The following RPH3A variants were observed in gnomAD, a reference collection of about 807,000 sequenced individuals.
The protein encoded by RPH3A is rabphilin 3A.
Under a neutral mutation model 102.2 loss-of-function variants are expected in RPH3A, and 48 were observed. The observed-to-expected ratio is 0.47, with a 90% CI of 0.37 to 0.60. The LOEUF is 0.60. RPH3A is among the 20% of genes least tolerant of loss of function. The pLI is 0.00. For synonymous variants in RPH3A, 310 were observed against 324.3 expected, an observed-to-expected ratio of 0.96 and a Z score of 0.47; for missense variants, 781 against 910.1, an observed-to-expected ratio of 0.86 and a Z score of 1.83.
chr12:112,685,359 C>T (rs2040256132), intron 1 of RPH3A, among the ~76,000 whole-genome samples: 3 of 152,140 alleles, frequency 2.0e-5, no homozygotes, highest in African/African-American at 7.2e-5. Flanking sequence ...TTTGGGGAGA[C>T]ACCTATATTC....
intron 16 of RPH3A, among the ~76,000 whole-genome samples, chr12:112,883,791 C>T (rs947288672): frequency 1.3e-5 from 2 of 152,154 alleles, no homozygotes; most frequent in Non-Finnish European, 2.9e-5. Flanking sequence ...TCACATTCTT[C>T]TACAGTGTTG....
At chr12:112,873,766 G>A (rs1025419932) in intron 10 of RPH3A, 4 of 152,230 alleles carry the variant, frequency 2.6e-5, no homozygotes, top group African/African-American at 4.8e-5. Context: ...CTTCCATGAG[G>A]CGATGTTCAA....
At chr12:112,820,935 C>G (rs1032394583) in intron 2 of RPH3A, among the ~76,000 whole-genome samples, 1 of 152,196 alleles carries the variant, frequency 6.6e-6, no homozygotes, top group African/African-American at 2.4e-5. Context: ...ACCTCCCAGG[C>G]CTGTCTCTGT....
chr12:112,869,381 T>C (rs1685140049), intron 8 of RPH3A: 1 of 190,762 alleles, frequency 5.2e-6, no homozygotes, highest in South Asian at 1.4e-4. Flanking sequence ...ACAAATGTTT[T>C]CTTCCTGACA....
chr12:112,588,945 C>T (rs1269261970), intron 1 of RPH3A, among the ~76,000 whole-genome samples: 1 of 151,782 alleles, frequency 6.6e-6, no homozygotes, highest in African/African-American at 2.4e-5. Context: ...GGTACAGACA[C>T]CTAAAGTGAA....
intron 1 of RPH3A, among the ~76,000 whole-genome samples, chr12:112,607,997 C>A (rs55847700): frequency 0.33 from 50,366 of 152,016 alleles, 9,624 homozygotes; most frequent in Non-Finnish European, 0.41. Context: ...TCCTGGAAAG[C>A]CAAAGGGGAT....
At chr12:112,658,529 T>C (rs375654696) in intron 1 of RPH3A, among the ~76,000 whole-genome samples, 1 of 152,316 alleles carries the variant, frequency 6.6e-6, no homozygotes, top group African/African-American at 2.4e-5. Flanking sequence ...GACAGTAGCC[T>C]GCAGGGCATT....
chr12:112,676,441 T>C (rs1268300081), intron 1 of RPH3A, among the ~76,000 whole-genome samples: 1 of 152,240 alleles, frequency 6.6e-6, no homozygotes, highest in African/African-American at 2.4e-5. Context: ...AAGTCTCTTC[T>C]CTGCTTTTCT....
chr12:112,897,548 C>A lies in RPH3A; in HGVS notation c.*768C>A, dbSNP rs1457319429. On this transcript the variant is annotated 3_prime_UTR_variant, in exon 22 of 22. Transcript: ENST00000389385. ...TAGATTCTCTCTTTCTCAGCCTCTCCCCTCTCCTTTCTCTCCCTGCCTTTC... is the reference window on the plus strand; with the variant it reads ...TAGATTCTCTCTTTCTCAGCCTCTCACCTCTCCTTTCTCTCCCTGCCTTTC... The A allele has an allele frequency of 6.6e-6, 1 of 152,452 alleles. No homozygotes were observed. The allele number at this position is 152,452 out of a possible 1,614,324, so 9.4% of individuals were successfully genotyped here. A position where few individuals can be genotyped will look rare whatever the true frequency, so the allele number is the denominator to read the frequency against.
intron 2 of RPH3A, among the ~76,000 whole-genome samples, chr12:112,797,796 G>A (rs368431559): frequency 3.8e-4 from 57 of 151,830 alleles, no homozygotes; most frequent in East Asian, 2.5e-3. Context: ...GGGCTCAAGC[G>A]ATCCTCTTGT....
At chr12:112,755,754 C>T (rs2040819114) in intron 1 of RPH3A, among the ~76,000 whole-genome samples, 1 of 152,074 alleles carries the variant, frequency 6.6e-6, no homozygotes, top group Non-Finnish European at 1.5e-5. Context: ...TGAAAAATTC[C>T]TATCTAGTTG....
At chr12:112,808,326 A>T (rs2041507778) in intron 2 of RPH3A, among the ~76,000 whole-genome samples, 1 of 152,220 alleles carries the variant, frequency 6.6e-6, no homozygotes, top group South Asian at 2.1e-4. Flanking sequence ...GCCTTTGTCA[A>T]TATCAACATT....
intron 1 of RPH3A, among the ~76,000 whole-genome samples, chr12:112,740,363 T>C (rs1156432811): frequency 6.6e-6 from 1 of 152,208 alleles, no homozygotes; most frequent in African/African-American, 2.4e-5. Flanking sequence ...TTTATTTTGT[T>C]TCACTTTTTT....
At chr12:112,629,536 A>C (rs186818515) in intron 1 of RPH3A, among the ~76,000 whole-genome samples, 2 of 142,062 alleles carry the variant, frequency 1.4e-5, no homozygotes, top group African/African-American at 5.3e-5. Context: ...TGGCACAATC[A>C]CAGGATTATA....
At chr12:112,785,149 G>C (rs2041038446) in intron 1 of RPH3A, among the ~76,000 whole-genome samples, 1 of 151,880 alleles carries the variant, frequency 6.6e-6, no homozygotes, top group Non-Finnish European at 1.5e-5. Context: ...TTGAACCCAG[G>C]AGGCGGAGTT....
chr12:112,683,578 T>C (rs1356846822), intron 1 of RPH3A, among the ~76,000 whole-genome samples: 1 of 152,130 alleles, frequency 6.6e-6, no homozygotes, highest in Non-Finnish European at 1.5e-5. Context: ...GCAAGTGTGT[T>C]CAATAGAGGG....
At chr12:112,665,449 T>G (rs528196707) in intron 1 of RPH3A, among the ~76,000 whole-genome samples, 1 of 152,182 alleles carries the variant, frequency 6.6e-6, no homozygotes, top group African/African-American at 2.4e-5. Context: ...CTGTTCTATT[T>G]ACTAGAAATC....
Position 112,890,829 on chromosome 12 carries a change from T to A in RPH3A, c.1621-20T>A. 1 of 1,611,130 alleles carries A rather than the reference T, an allele frequency of 6.2e-7. No homozygotes were observed. The highest frequency in any genetic ancestry group is 1.1e-5 in the South Asian group (1 of 90,614). On this transcript the variant is annotated intron_variant, in intron 18 of 21. Transcript: ENST00000389385. ...GCCCCCTCCCCTCCAAGGCCCACAC[T>A]GCCTTTTCCCCCAATGCAGCAGGTG...
chr12:112,725,556 A>T (rs978348539), intron 1 of RPH3A, among the ~76,000 whole-genome samples: 5 of 152,086 alleles, frequency 3.3e-5, no homozygotes, highest in Admixed American at 2.6e-4. Flanking sequence ...CTCCTCGATT[A>T]GCCGCTTGGG....
Sources: gnomAD v4.1 joint callset for allele counts (sites outside exome capture counted in the v4.1 genomes callset) on GRCh38, gnomAD v4.1.1 for gene constraint, MANE v1.5 for transcripts, NCBI Gene and HGNC (gene_info 2026-07-23, HGNC 2026-07-21) for gene names.